HADH: variants seen among roughly 807,000 people sequenced by gnomAD.
HADH encodes hydroxyacyl-coenzyme A dehydrogenase, mitochondrial.
In HADH, 24 loss-of-function variants were observed where a neutral mutation model predicts 32.2. The ratio of observed to expected loss-of-function variants is 0.75; its 90% confidence interval spans 0.54 to 1.05. The LOEUF (loss-of-function observed/expected upper bound fraction) is 1.05. Among genes scored for constraint, HADH ranks in the 50% least tolerant of loss-of-function variants. The pLI is 0.00. For synonymous variants in HADH, 139 were observed against 152.5 expected (o/e 0.91, Z 0.65); for missense variants, 350 against 397.1 (o/e 0.88, Z 1.01).
At chr4:108,013,629 G>A (rs954308798) in intron 2 of HADH, among the ~76,000 whole-genome samples, 4 of 152,042 alleles carry the variant, frequency 2.6e-5, no homozygotes, top group South Asian at 2.1e-4. Flanking sequence ...CTACTCACAA[G>A]TGGCTACTGA....
At chr4:108,017,505 A>T (rs1391847837) in intron 3 of HADH, among the ~76,000 whole-genome samples, 3 of 152,164 alleles carry the variant, frequency 2.0e-5, no homozygotes, top group Non-Finnish European at 4.4e-5. Flanking sequence ...GTCCGAATGA[A>T]AAAAACAAAA....
At chr4:108,014,855 C>T (rs981946960) in intron 3 of HADH, among the ~76,000 whole-genome samples, 2 of 152,050 alleles carry the variant, frequency 1.3e-5, no homozygotes, top group African/African-American at 2.4e-5. Flanking sequence ...TCCATGGGTA[C>T]CTGTTATTTA....
In HADH at chr4:108,019,536, A is replaced by G. The variant is rs1213640057; in HGVS notation, c.420-4A>G. ...GATACTCCCACTATATTTTCTCTTC[A>G]CAGACATACAATCTTTGCCAGCAAC... On this transcript the variant is annotated splice_region_variant and splice_polypyrimidine_tract_variant and intron_variant, in intron 3 of 7. Coordinates refer to ENST00000309522, the MANE Select transcript of HADH (RefSeq NM_005327.7). 1 of 1,613,248 alleles carries G rather than the reference A, an allele frequency of 6.2e-7. No homozygotes were observed. The highest frequency in any genetic ancestry group is 1.3e-5 in the African/African-American group (1 of 74,902).
chr4:108,017,838 C>T (rs1354985725), intron 3 of HADH, among the ~76,000 whole-genome samples: 3 of 152,244 alleles, frequency 2.0e-5, no homozygotes, highest in South Asian at 2.1e-4. Flanking sequence ...TGTGAGCCAC[C>T]GTGCCCAGCC....
At chr4:108,023,927 A>G (rs75332050) in intron 5 of HADH, 2,721 of 194,198 alleles carry the variant, frequency 0.014, 28 homozygotes, top group Non-Finnish European at 0.023. Flanking sequence ...CCTAACAGAA[A>G]ATGAGGGCTT....
chr4:108,029,848 A>G (rs931654385), intron 6 of HADH: 4 of 152,008 alleles, frequency 2.6e-5, no homozygotes, highest in South Asian at 2.1e-4. Flanking sequence ...CACTCTTCCT[A>G]TTGCTCTTGT....
intron 4 of HADH, 69 bp from the exon 5 acceptor site, chr4:108,023,401 ATCAT>A (rs1224545411): frequency 4.6e-6 from 4 of 878,866 alleles, no homozygotes; most frequent in Admixed American, 3.4e-5. Context: ...CTTTTGATCA[ATCAT>A]TCCTTGAACC....
At chr4:108,010,642 TGC>T (rs1735455046) in intron 2 of HADH, among the ~76,000 whole-genome samples, 1 of 152,226 alleles carries the variant, frequency 6.6e-6, no homozygotes, top group African/African-American at 2.4e-5. Flanking sequence ...TATATCTAGA[TGC>T]TTTTAAAAAT....
chr4:108,003,073 CAGTG>C (rs981498367), intron 1 of HADH, among the ~76,000 whole-genome samples: 9 of 147,352 alleles, frequency 6.1e-5, no homozygotes, highest in African/African-American at 2.2e-4. Context: ...CAAAGTCACA[CAGTG>C]AGTGAGTGGC....
intron 3 of HADH, among the ~76,000 whole-genome samples, chr4:108,017,718 C>A (rs1234206152): frequency 6.6e-6 from 1 of 152,060 alleles, no homozygotes; most frequent in African/African-American, 2.4e-5. Flanking sequence ...CCATGCCCAG[C>A]TAATTTTTGT....
At chr4:108,019,736 C>T (rs904142374) in intron 4 of HADH, 70 bp downstream of exon 4, 5 of 1,582,424 alleles carry the variant, frequency 3.2e-6, no homozygotes, top group Non-Finnish European at 4.3e-6. Context: ...TTCTGTGTTA[C>T]ACCAGCCCTG....
At chr4:107,997,561 C>T (rs1218534871) in intron 1 of HADH, among the ~76,000 whole-genome samples, 1 of 152,138 alleles carries the variant, frequency 6.6e-6, no homozygotes, top group African/African-American at 2.4e-5. Context: ...TTTTACAACT[C>T]TGAAGCAGCC....
In HADH at chr4:108,014,535, G is replaced by A. The variant is rs760996360; in HGVS notation, c.366G>A (p.Glu122=). 1.2e-6 allele frequency: 2 copies of A among 1,613,954 alleles called. No homozygotes were observed. The highest frequency in any genetic ancestry group is 1.1e-5 in the South Asian group (1 of 91,074). ...STDLVVEAIV[E]NLKVKNELFK... ...ACTTGGTGGTGGAAGCCATCGTGGA[G>A]AATCTGAAGGTGAAAAACGAGCTCT... The change falls in exon 3 of 8, where the codon GAG becomes GAA. Residue 122 remains glutamate, a synonymous_variant. Transcript: ENST00000309522.
At chr4:108,018,825 A>C (rs955850177) in intron 3 of HADH, among the ~76,000 whole-genome samples, 4 of 152,108 alleles carry the variant, frequency 2.6e-5, no homozygotes, top group African/African-American at 9.7e-5. Context: ...TTTTCCTCTC[A>C]TGCTTTTGGC....
At chr4:108,014,960 T>C (rs1192066322) in intron 3 of HADH, among the ~76,000 whole-genome samples, 2 of 152,212 alleles carry the variant, frequency 1.3e-5, no homozygotes, top group Non-Finnish European at 2.9e-5. Context: ...TCAAAAGACA[T>C]GATTTTATTC....
chr4:108,034,425 TG>T lies in HADH; in HGVS notation c.*71del. ...TTCCAGCCAGTGCCCCGAGTGCCTG[TG>T]GGAATGCTCTTTGGTCAGACATTCC... On this transcript the variant is annotated 3_prime_UTR_variant, in exon 8 of 8. Coordinates refer to ENST00000309522, the MANE Select transcript of HADH (RefSeq NM_005327.7). The T allele has an allele frequency of 1.1e-6, 1 of 871,970 alleles. No individual in the cohort carries two copies. The highest frequency in any genetic ancestry group is 1.3e-5 in the South Asian group (1 of 75,764). 54.0% of individuals were successfully genotyped at this position (871,970 alleles called of 1,614,324 possible). A position where few individuals can be genotyped will look rare whatever the true frequency, so the allele number is the denominator to read the frequency against.
intron 5 of HADH, 190 bp from the exon 6 acceptor site, chr4:108,027,498 A>G (rs1172825776): frequency 4.6e-6 from 3 of 647,988 alleles, no homozygotes; most frequent in African/African-American, 1.8e-5. Flanking sequence ...TGTTTTTTTA[A>G]GTACTATGAT....
Position 108,033,179 on chromosome 4 carries a change from A to G in HADH, c.713A>G (p.Asp238Gly). Residue 238 changes from aspartate (D) to glycine (G), a missense_variant, in exon 7 of 8, where the codon GAC becomes GGC. Coordinates refer to ENST00000309522, the MANE Select transcript of HADH (RefSeq NM_005327.7). The stretch of plus-strand genomic sequence containing the variant: ...AGTGCTGCCGTTTTCTCCTTAGGTG[A>G]CGCATCCAAAGAAGACATTGACACT... ...MEAIRLYERG[D>G]ASKEDIDTAM... 1 of 1,546,636 alleles carries G rather than the reference A, an allele frequency of 6.5e-7. No homozygotes were observed. Among genetic ancestry groups the G allele is most frequent in the Non-Finnish European group, 8.9e-7 (1 of 1,118,538 alleles).
rs536853122 is a variant in HADH, at chr4:107,997,802, A to G, written c.132+7738A>G. Among the ~76,000 whole-genome samples, 11 of 152,338 alleles carry G rather than the reference A, an allele frequency of 7.2e-5. 1 individual carries two copies. The South Asian group carries it at 2.3e-3, about 32-fold the overall frequency. On this transcript the variant is annotated intron_variant, in intron 1 of 7. Transcript: ENST00000309522. ...AGAGTCCTCCTCATTTGTTGTAAAA[A>G]TAACAGATGTCTATGAAAGGAGAAG...
Sources: gnomAD v4.1 joint callset for allele counts (sites outside exome capture counted in the v4.1 genomes callset) on GRCh38, gnomAD v4.1.1 for gene constraint, MANE v1.5 for transcripts, NCBI Gene and HGNC (gene_info 2026-07-23, HGNC 2026-07-21) for gene names.